Variants in TNNI3K observed in about 807,000 individuals in gnomAD.
The protein encoded by TNNI3K is serine/threonine-protein kinase TNNI3K.
A neutral mutation model predicts 114.5 loss-of-function variants in TNNI3K; 140 were observed. That is an observed-to-expected ratio of 1.22 (90% confidence interval 1.07 to 1.41). TNNI3K has a LOEUF of 1.41. Among genes scored for constraint, TNNI3K ranks in the 40% most tolerant of loss-of-function variants. TNNI3K has a pLI of 0.00. For missense variants in TNNI3K, 1,125 were observed against 1,007.6 expected, an observed-to-expected ratio of 1.12 and a Z score of -1.58; for synonymous variants, 347 against 347.5, an observed-to-expected ratio of 1.00 and a Z score of 0.02.
intron 23 of TNNI3K, among the ~76,000 whole-genome samples, chr1:74,517,763 C>A (rs1326882407): frequency 2.0e-5 from 3 of 152,156 alleles, no homozygotes; most frequent in African/African-American, 7.2e-5. Context: ...GTCTCAATCA[C>A]AAAGCCAGTG....
chr1:74,244,246 T>G (rs1436661934), intron 2 of TNNI3K, among the ~76,000 whole-genome samples: 1 of 152,094 alleles, frequency 6.6e-6, no homozygotes, highest in African/African-American at 2.4e-5. Flanking sequence ...GAGTCTATTC[T>G]CTGTTGATTC....
At chr1:74,248,268 C>T (rs1654711580) in intron 2 of TNNI3K, among the ~76,000 whole-genome samples, 1 of 151,972 alleles carries the variant, frequency 6.6e-6, no homozygotes, top group Admixed American at 6.5e-5. Context: ...GTGCACAGCC[C>T]CAGTTCCTGC....
At chr1:74,375,540 G>A (rs1417908577) in intron 17 of TNNI3K, 1 of 454,496 alleles carries the variant, frequency 2.2e-6, no homozygotes, top group Non-Finnish European at 4.4e-6. Flanking sequence ...CAAAACCTAA[G>A]ATCAGTGCTT....
At chr1:74,407,265 T>C (rs17095267) in intron 17 of TNNI3K, among the ~76,000 whole-genome samples, 4,163 of 152,302 alleles carry the variant, frequency 0.027, 182 homozygotes, top group African/African-American at 0.096. Flanking sequence ...GAAATAATGC[T>C]ATTAACTCAG....
intron 5 of TNNI3K, among the ~76,000 whole-genome samples, chr1:74,295,591 T>C (rs1293717800): frequency 6.6e-6 from 1 of 152,158 alleles, no homozygotes; most frequent in Non-Finnish European, 1.5e-5. Flanking sequence ...TCCTTTTAAA[T>C]TATAAAATGT....
At chr1:74,320,733 T>C (rs906540272) in intron 5 of TNNI3K, among the ~76,000 whole-genome samples, 78 of 152,338 alleles carry the variant, frequency 5.1e-4, no homozygotes, top group African/African-American at 1.6e-3. Flanking sequence ...AATCTTTGTG[T>C]CCCTTCTTAT....
At chr1:74,343,995 CAT>C (rs1452201382) in intron 9 of TNNI3K, among the ~76,000 whole-genome samples, 8 of 152,182 alleles carry the variant, frequency 5.3e-5, no homozygotes, top group African/African-American at 1.2e-4. Context: ...CTACACATTA[CAT>C]ATGTTTCCAT....
intron 17 of TNNI3K, among the ~76,000 whole-genome samples, chr1:74,428,500 G>A (rs1427281791): frequency 6.6e-6 from 1 of 152,120 alleles, no homozygotes; most frequent in East Asian, 1.9e-4. Flanking sequence ...CCTTTGGTAA[G>A]GAGGGGAGTG....
chr1:74,369,295 C>T, intron 15 of TNNI3K, 31 bp downstream of exon 15: 2 of 1,610,460 alleles, frequency 1.2e-6, no homozygotes, highest in East Asian at 4.5e-5. Context: ...ATTTAACATC[C>T]AGGTGGAATT....
rs978611748 is a variant in TNNI3K at position 74,447,281 on chromosome 1, G to T, written c.2011+7659G>T. 6.0e-5 allele frequency among the ~76,000 whole-genome samples: 9 copies of T among 149,032 alleles called. 1 individual carries two copies. Among genetic ancestry groups the T allele is most frequent in the African/African-American group, 2.3e-4 (9 of 39,476 alleles). On this transcript the variant is annotated intron_variant, in intron 20 of 24. Transcript: ENST00000326637. The stretch of plus-strand genomic sequence containing the variant: ...CATCCCTTGTAAGTTGGATTCCTAG[G>T]TATTTTATTCTCTTTGAAGCAATTG...
intron 20 of TNNI3K, among the ~76,000 whole-genome samples, chr1:74,442,700 T>C (rs1461690945): frequency 1.3e-5 from 2 of 152,118 alleles, no homozygotes; most frequent in Non-Finnish European, 2.9e-5. Flanking sequence ...TATCTCTATC[T>C]ATTTTGTGTC....
chr1:74,259,236 C>A (rs1000405722), intron 4 of TNNI3K, among the ~76,000 whole-genome samples: 27 of 152,168 alleles, frequency 1.8e-4, no homozygotes, highest in Admixed American at 5.9e-4. Context: ...GCTGGAGAAT[C>A]AGGAAAGCTG....
chr1:74,363,281 T>G (rs552473636), intron 11 of TNNI3K, among the ~76,000 whole-genome samples: 12 of 152,148 alleles, frequency 7.9e-5, no homozygotes, highest in Admixed American at 6.5e-4. Context: ...GTTGTAGTCA[T>G]GGAAAATTTC....
chr1:74,320,190 A>G (rs1333767617), intron 5 of TNNI3K, among the ~76,000 whole-genome samples: 1 of 152,174 alleles, frequency 6.6e-6, no homozygotes, highest in Admixed American at 6.5e-5. Flanking sequence ...GGAATGGTTG[A>G]TACATTTACC....
At chr1:74,273,771 G>C (rs1395898167) in intron 5 of TNNI3K, among the ~76,000 whole-genome samples, 1 of 151,840 alleles carries the variant, frequency 6.6e-6, no homozygotes, top group Non-Finnish European at 1.5e-5. Context: ...CTCATTAGCT[G>C]ATATTTGATG....
At chr1:74,512,538 C>CAGCTTGT (rs1316982928) in intron 23 of TNNI3K, 2 of 152,200 alleles carry the variant, frequency 1.3e-5, no homozygotes, top group African/African-American at 2.4e-5. Context: ...AAAGGTCTCA[C>CAGCTTGT]AGCTTGTAGT....
rs45462395 is a variant in TNNI3K at position 74,405,079 on chromosome 1, G to A, written c.1773-31001G>A. ...TGTTTTATGACAGTGTTAAGCATTG[G>A]CATCTACAGAAACACAGAGATGAGA... On this transcript the variant is annotated intron_variant, in intron 17 of 24. Transcript: ENST00000326637. 4.0e-3 allele frequency among the ~76,000 whole-genome samples: 614 copies of A among 152,260 alleles called. 6 individuals carry two copies. The highest frequency in any genetic ancestry group is 0.014 in the African/African-American group (576 of 41,566).
At chr1:74,391,374 G>GGA (rs1355296236) in intron 17 of TNNI3K, among the ~76,000 whole-genome samples, 70 of 152,258 alleles carry the variant, frequency 4.6e-4, no homozygotes, top group African/African-American at 1.5e-3. Flanking sequence ...TGGTGACAGT[G>GGA]GACATGGAGA....
intron 11 of TNNI3K, among the ~76,000 whole-genome samples, 190 bp from the exon 12 acceptor site, chr1:74,367,066 T>G (rs1662310193): frequency 6.6e-6 from 1 of 151,996 alleles, no homozygotes. Flanking sequence ...GACATAGTGC[T>G]TCGCATATGG....
Sources: gnomAD v4.1 joint callset for allele counts (sites outside exome capture counted in the v4.1 genomes callset) on GRCh38, gnomAD v4.1.1 for gene constraint, MANE v1.5 for transcripts, NCBI Gene and HGNC (gene_info 2026-07-23, HGNC 2026-07-21) for gene names.